The following SPRED1 variants were observed in gnomAD, a reference collection of about 807,000 sequenced individuals.
SPRED1 encodes the protein sprouty-related, EVH1 domain-containing protein 1.
In SPRED1, 18 loss-of-function variants were observed where a neutral mutation model predicts 52.3. That is an observed-to-expected ratio of 0.34 (90% CI 0.24 to 0.51). SPRED1 has a LOEUF of 0.51. Among genes scored for constraint, SPRED1 ranks in the 20% least tolerant of loss-of-function variants. SPRED1 has a pLI of 0.97. For missense variants in SPRED1, 485 were observed against 551.0 expected, an observed-to-expected ratio of 0.88 and a Z score of 1.20; for synonymous variants, 155 against 179.7, an observed-to-expected ratio of 0.86 and a Z score of 1.10.
At chr15:38,263,565 A>G (rs560225072) in intron 1 of SPRED1, among the ~76,000 whole-genome samples, 11 of 152,356 alleles carry the variant, frequency 7.2e-5, no homozygotes, top group Admixed American at 6.5e-4. Context: ...AAAGTATTTT[A>G]GAAGCCAAGG....
At chr15:38,305,793 T>C (rs536706497) in intron 2 of SPRED1, among the ~76,000 whole-genome samples, 1 of 152,346 alleles carries the variant, frequency 6.6e-6, no homozygotes, top group Admixed American at 6.5e-5. Context: ...GTTTCAGTTC[T>C]TATGTTAAAC....
chr15:38,338,029 C>T (rs2141006367), intron 4 of SPRED1, among the ~76,000 whole-genome samples: 1 of 140,116 alleles, frequency 7.1e-6, no homozygotes, highest in East Asian at 2.0e-4. Context: ...AGTGAAACCC[C>T]ATTGCTACTA....
intron 5 of SPRED1, among the ~76,000 whole-genome samples, chr15:38,348,889 T>G (rs1896195821): frequency 6.6e-6 from 1 of 152,142 alleles, no homozygotes. Flanking sequence ...GATTCCTATT[T>G]TTTTATTGCT....
chr15:38,308,269 T>G (rs935981789), intron 2 of SPRED1, among the ~76,000 whole-genome samples: 3 of 152,234 alleles, frequency 2.0e-5, no homozygotes, highest in African/African-American at 7.2e-5. Context: ...CACTCTAACC[T>G]GTTTTCCCAG....
intron 1 of SPRED1, among the ~76,000 whole-genome samples, chr15:38,266,962 A>G (rs1448439381): frequency 6.6e-6 from 1 of 152,230 alleles, no homozygotes; most frequent in Admixed American, 6.5e-5. Flanking sequence ...ATTACTGGCT[A>G]ATAGCAGATC....
intron 1 of SPRED1, among the ~76,000 whole-genome samples, chr15:38,283,741 C>T (rs1406390245): frequency 6.6e-6 from 1 of 152,140 alleles, no homozygotes; most frequent in Non-Finnish European, 1.5e-5. Flanking sequence ...GTGCGAATCA[C>T]TTACCCTCTT....
intron 1 of SPRED1, among the ~76,000 whole-genome samples, chr15:38,275,374 C>G (rs1396355605): frequency 6.6e-6 from 1 of 152,118 alleles, no homozygotes; most frequent in Non-Finnish European, 1.5e-5. Context: ...GCTTTTCTTG[C>G]CCAGCTTTGG....
intron 3 of SPRED1, among the ~76,000 whole-genome samples, chr15:38,324,111 G>A (rs1030727782): frequency 2.0e-5 from 3 of 152,092 alleles, no homozygotes; most frequent in African/African-American, 7.2e-5. Context: ...CTTTCCAAAG[G>A]GCGCATTTCT....
intron 2 of SPRED1, among the ~76,000 whole-genome samples, chr15:38,312,782 A>G (rs1408840853): frequency 6.6e-6 from 1 of 151,640 alleles, no homozygotes; most frequent in Non-Finnish European, 1.5e-5. Context: ...AGGGTCATAA[A>G]CCTTTATATT....
At chr15:38,307,050 C>T (rs370703504) in intron 2 of SPRED1, among the ~76,000 whole-genome samples, 103 of 152,246 alleles carry the variant, frequency 6.8e-4, no homozygotes, top group African/African-American at 2.4e-3. Flanking sequence ...TTCCAATTGC[C>T]ATTAAACTGT....
intron 1 of SPRED1, among the ~76,000 whole-genome samples, chr15:38,265,479 C>A (rs1279137091): frequency 1.3e-5 from 2 of 151,602 alleles, no homozygotes; most frequent in Non-Finnish European, 2.9e-5. Context: ...AGCAACTTTT[C>A]AGAAAAACTT....
rs527806206 is a variant in SPRED1, at chr15:38,297,425, T to C, written c.33-1948T>C. Among the ~76,000 whole-genome samples, 10 of 152,320 alleles carry C rather than the reference T, an allele frequency of 6.6e-5. No homozygotes were observed. The East Asian group carries it at 1.9e-3, about 29-fold the overall frequency. ...TTGTGTTTATAGTGGTGGAGCTTGC[T>C]CCAGCCCATCTCAGGAGAATTTAAT... On this transcript the variant is annotated intron_variant, in intron 1 of 6. Coordinates refer to ENST00000299084, the MANE Select transcript of SPRED1 (RefSeq NM_152594.3).
intron 1 of SPRED1, among the ~76,000 whole-genome samples, chr15:38,281,344 G>A (rs764431064): frequency 6.6e-6 from 1 of 152,096 alleles, no homozygotes; most frequent in Non-Finnish European, 1.5e-5. Context: ...ATTGTGTAGT[G>A]TGTCAGATTA....
chr15:38,289,804 GCAGCACTGC>G (rs1275506764), intron 1 of SPRED1, among the ~76,000 whole-genome samples: 1 of 152,184 alleles, frequency 6.6e-6, no homozygotes, highest in African/African-American at 2.4e-5. Context: ...TGAAAGGAAC[GCAGCACTGC>G]CAGTACCTTG....
chr15:38,272,079 A>G (rs1434869394), intron 1 of SPRED1, among the ~76,000 whole-genome samples: 1 of 151,988 alleles, frequency 6.6e-6, no homozygotes, highest in Non-Finnish European at 1.5e-5. Flanking sequence ...AAAGGACATG[A>G]TTTTGTTCTT....
At chr15:38,349,004 A>T (rs373930336) in intron 5 of SPRED1, among the ~76,000 whole-genome samples, 44 of 152,202 alleles carry the variant, frequency 2.9e-4, no homozygotes, top group Middle Eastern at 3.4e-3. Context: ...CAAATTCCAT[A>T]TCACTTCCCA....
chr15:38,331,501 A>G (rs1895806248), intron 4 of SPRED1, among the ~76,000 whole-genome samples: 1 of 152,136 alleles, frequency 6.6e-6, no homozygotes, highest in Non-Finnish European at 1.5e-5. Context: ...TCATATCCAA[A>G]TTAAGAAAGT....
chr15:38,333,000 A>G (rs1477369424), intron 4 of SPRED1, among the ~76,000 whole-genome samples: 1 of 152,146 alleles, frequency 6.6e-6, no homozygotes, highest in Non-Finnish European at 1.5e-5. Flanking sequence ...AAGGGCACTA[A>G]TCACATTCAT....
At chr15:38,299,210 C>T in intron 1 of SPRED1, 163 bp from the exon 2 acceptor site, 1 of 807,044 alleles carries the variant, frequency 1.2e-6, no homozygotes, top group South Asian at 1.4e-5. Flanking sequence ...TGGTTTTTGA[C>T]CTCTTTCAAG....
Sources: allele counts gnomAD v4.1 joint callset (sites outside exome capture counted in the v4.1 genomes callset), GRCh38; gene constraint gnomAD v4.1.1; transcripts MANE v1.5; gene names NCBI Gene and HGNC (gene_info 2026-07-23, HGNC 2026-07-21).